CPQ: variants seen among roughly 807,000 people sequenced by gnomAD.
CPQ encodes the protein carboxypeptidase Q.
Under a neutral mutation model 45.7 loss-of-function variants are expected in CPQ, and 37 were observed. The ratio of observed to expected loss-of-function variants is 0.81; its 90% CI spans 0.62 to 1.07. The LOEUF (loss-of-function observed/expected upper bound fraction) is 1.07, where lower values mean the gene tolerates loss of function less well. CPQ is among the 50% of genes least tolerant of loss of function. The pLI is 0.00. For missense variants in CPQ, 537 were observed against 572.9 expected (o/e 0.94, Z 0.64); for synonymous variants, 186 against 205.8 (o/e 0.90, Z 0.82).
At chr8:97,069,805 C>T (rs910386007) in intron 7 of CPQ, among the ~76,000 whole-genome samples, 1 of 151,958 alleles carries the variant, frequency 6.6e-6, no homozygotes, top group Non-Finnish European at 1.5e-5. Context: ...TATTAAATTT[C>T]TATAATTTGA....
At chr8:97,119,938 G>A (rs1331306971) in intron 7 of CPQ, among the ~76,000 whole-genome samples, 1 of 152,178 alleles carries the variant, frequency 6.6e-6, no homozygotes. Context: ...CACATGAGGA[G>A]GGACAAGACA....
At chr8:97,089,259 AGAG>A (rs1257824256) in intron 7 of CPQ, among the ~76,000 whole-genome samples, 6 of 149,244 alleles carry the variant, frequency 4.0e-5, no homozygotes, top group African/African-American at 1.5e-4. Context: ...AAAAAAAAAA[AGAG>A]AAAAGAAAAG....
chr8:96,770,305 C>A (rs1810524048), intron 1 of CPQ, among the ~76,000 whole-genome samples: 1 of 152,102 alleles, frequency 6.6e-6, no homozygotes, highest in Non-Finnish European at 1.5e-5. Flanking sequence ...TACCATTTGC[C>A]CTGCTCCCAT....
intron 3 of CPQ, among the ~76,000 whole-genome samples, chr8:96,850,151 G>T (rs982056273): frequency 2.0e-5 from 3 of 152,134 alleles, no homozygotes; most frequent in Non-Finnish European, 2.9e-5. Context: ...CGTAATAGTG[G>T]TTTTTTGCTC....
intron 7 of CPQ, among the ~76,000 whole-genome samples, chr8:97,121,585 C>T (rs1439960167): frequency 6.6e-6 from 1 of 152,108 alleles, no homozygotes; most frequent in Non-Finnish European, 1.5e-5. Flanking sequence ...TAGACAGACA[C>T]TCAACATGTA....
chr8:97,076,695 A>AT (rs757343778), intron 7 of CPQ, among the ~76,000 whole-genome samples: 10 of 151,846 alleles, frequency 6.6e-5, no homozygotes, highest in African/African-American at 9.7e-5. Context: ...CCTAAGTTTG[A>AT]TTTTTTTTAG....
At position 97,088,374 on chromosome 8, in the gene CPQ, TC is replaced by T. The variant is rs1811073604; in HGVS notation, c.1255+22165del. 2.6e-5 allele frequency among the ~76,000 whole-genome samples: 4 copies of T among 152,346 alleles called. No individual in the cohort carries two copies. In the South Asian group the frequency reaches 6.2e-4, roughly 24 times the overall value. On this transcript the variant is annotated intron_variant, in intron 7 of 7. Transcript: ENST00000220763. ...TCAAGATGACCATTTGGGAAAAGAT[TC>T]ATTGGCTTCACTTAGTTCATGTTGT...
At chr8:97,036,766 T>C (rs1378038679) in intron 6 of CPQ, among the ~76,000 whole-genome samples, 2 of 152,244 alleles carry the variant, frequency 1.3e-5, no homozygotes, top group African/African-American at 2.4e-5. Flanking sequence ...ATGAGTAAGG[T>C]AATCTGGCCT....
At chr8:96,888,037 A>G (rs1812326372) in intron 4 of CPQ, among the ~76,000 whole-genome samples, 1 of 152,162 alleles carries the variant, frequency 6.6e-6, no homozygotes, top group South Asian at 2.1e-4. Flanking sequence ...TCTCAACATC[A>G]TCTCTGTTGG....
At chr8:96,930,496 G>A (rs868825923) in intron 4 of CPQ, among the ~76,000 whole-genome samples, 1 of 152,174 alleles carries the variant, frequency 6.6e-6, no homozygotes. Context: ...ATTACCAAAA[G>A]TAATAAATAA....
intron 4 of CPQ, among the ~76,000 whole-genome samples, chr8:96,963,808 A>G (rs1813504342): frequency 6.6e-6 from 1 of 152,076 alleles, no homozygotes; most frequent in Non-Finnish European, 1.5e-5. Context: ...AGCACCCCAA[A>G]AGGTTTCCTC....
At chr8:96,850,447 C>T (rs1451876486) in intron 3 of CPQ, among the ~76,000 whole-genome samples, 3 of 152,148 alleles carry the variant, frequency 2.0e-5, no homozygotes, top group Admixed American at 6.5e-5. Context: ...TTAGTTCCAG[C>T]TGTATCCATA....
At chr8:96,753,533 CA>C (rs1040448212) in intron 1 of CPQ, among the ~76,000 whole-genome samples, 9 of 139,354 alleles carry the variant, frequency 6.5e-5, no homozygotes, top group African/African-American at 2.2e-4. Flanking sequence ...TTGCATCCCT[CA>C]AGGTTTTACT....
rs1033830651 is a variant in CPQ, at chr8:97,074,997, C to G, written c.1255+8787C>G. On this transcript the variant is annotated intron_variant, in intron 7 of 7. Coordinates refer to ENST00000220763, the MANE Select transcript of CPQ (RefSeq NM_016134.4). ...CATAGCTGATGCGAAGATACCGGAA[C>G]GCTTTACAAGGAGAGGGATTAATCA... Among the ~76,000 whole-genome samples the G allele has an allele frequency of 3.3e-5, 5 of 152,172 alleles. No individual in the cohort carries two copies. The South Asian group carries it at 8.3e-4, about 25-fold the overall frequency.
chr8:96,774,934 A>T (rs924203376), intron 1 of CPQ, among the ~76,000 whole-genome samples: 2 of 152,234 alleles, frequency 1.3e-5, no homozygotes, highest in Non-Finnish European at 2.9e-5. Flanking sequence ...CTAAGTGGCT[A>T]AAAGAAATAG....
intron 3 of CPQ, among the ~76,000 whole-genome samples, chr8:96,838,262 T>A (rs1487046856): frequency 6.6e-6 from 1 of 152,186 alleles, no homozygotes; most frequent in African/African-American, 2.4e-5. Context: ...CTCAGTCACT[T>A]CACACAATAG....
At chr8:96,742,588 T>G (rs535592505) in intron 1 of CPQ, among the ~76,000 whole-genome samples, 261 of 152,334 alleles carry the variant, frequency 1.7e-3, no homozygotes, top group Non-Finnish European at 2.7e-3. Context: ...CTTTACATTT[T>G]GGCATGATTT....
Position 96,777,270 on chromosome 8 carries a change from G to A in CPQ, c.-34-7594G>A, listed in dbSNP as rs148459326. Among the ~76,000 whole-genome samples the A allele has an allele frequency of 1.2e-4, 18 of 152,218 alleles. No individual in the cohort carries two copies. In the East Asian group the frequency reaches 1.4e-3, roughly 11 times the overall value. ...GTAGGGGAAAATGGTGGAAGGTACA[G>A]CAGCAATAGGAAGGAAGTATTCCCC... is the stretch of plus-strand genomic sequence containing the variant. On this transcript the variant is annotated intron_variant, in intron 1 of 7. Coordinates refer to ENST00000220763, the MANE Select transcript of CPQ (RefSeq NM_016134.4).
At chr8:96,674,631 G>C (rs1167499059) in intron 1 of CPQ, among the ~76,000 whole-genome samples, 1 of 152,096 alleles carries the variant, frequency 6.6e-6, no homozygotes, top group Non-Finnish European at 1.5e-5. Context: ...CAGTTCTAAA[G>C]AGGAAAGAGA....
Sources: gnomAD v4.1 joint callset for allele counts (sites outside exome capture counted in the v4.1 genomes callset) on GRCh38, gnomAD v4.1.1 for gene constraint, MANE v1.5 for transcripts, NCBI Gene and HGNC (gene_info 2026-07-23, HGNC 2026-07-21) for gene names.